DLGAP2: variants seen among roughly 807,000 people sequenced by gnomAD.
DLGAP2 encodes disks large-associated protein 2.
Under a neutral mutation model 100.3 loss-of-function variants are expected in DLGAP2, and 26 were observed. The ratio of observed to expected loss-of-function variants is 0.26; its 90% CI spans 0.19 to 0.36. The LOEUF is 0.36. Among genes scored for constraint, DLGAP2 ranks in the 10% least tolerant of loss-of-function variants. The pLI is 1.00. For synonymous variants in DLGAP2, 886 were observed against 630.1 expected (o/e 1.41, Z -6.08); for missense variants, 1,858 against 1,453.2 (o/e 1.28, Z -4.53).
intron 2 of DLGAP2, among the ~76,000 whole-genome samples, chr8:1,086,435 A>C (rs148747157): frequency 4.3e-4 from 66 of 152,270 alleles, no homozygotes; most frequent in African/African-American, 1.3e-3. Context: ...AGGTACATTC[A>C]TTCTATATCT....
intron 3 of DLGAP2, among the ~76,000 whole-genome samples, chr8:1,289,371 T>C (rs1451029020): frequency 6.6e-6 from 1 of 152,206 alleles, no homozygotes; most frequent in East Asian, 1.9e-4. Context: ...TCAGTGGAGA[T>C]ACAGGGTTGC....
intron 3 of DLGAP2, among the ~76,000 whole-genome samples, chr8:1,428,339 A>C (rs902065172): frequency 2.6e-5 from 4 of 152,210 alleles, no homozygotes; most frequent in Non-Finnish European, 5.9e-5. Context: ...AAAATTGAAC[A>C]ATTCAGTGAG....
intron 6 of DLGAP2, among the ~76,000 whole-genome samples, chr8:1,613,239 G>C (rs1179613965): frequency 2.8e-5 from 4 of 144,120 alleles, no homozygotes; most frequent in African/African-American, 5.2e-5. Context: ...CATGTCCTTT[G>C]TAGGGACATG....
intron 6 of DLGAP2, among the ~76,000 whole-genome samples, chr8:1,606,513 C>T (rs1030590869): frequency 6.6e-6 from 1 of 152,152 alleles, no homozygotes; most frequent in Non-Finnish European, 1.5e-5. Context: ...TCTAGCATAA[C>T]GTTTTCAACA....
intron 2 of DLGAP2, among the ~76,000 whole-genome samples, chr8:1,001,568 G>A (rs1455471505): frequency 6.6e-6 from 1 of 152,158 alleles, no homozygotes; most frequent in Admixed American, 6.5e-5. Context: ...GAAAGTTACG[G>A]AGAAATGATT....
At chr8:1,307,007 A>G (rs893335686) in intron 3 of DLGAP2, among the ~76,000 whole-genome samples, 2 of 152,174 alleles carry the variant, frequency 1.3e-5, no homozygotes, top group African/African-American at 4.8e-5. Context: ...TACCAAAAGT[A>G]CAAGCAACAA....
At chr8:760,744 G>A (rs1291306344) in intron 1 of DLGAP2, among the ~76,000 whole-genome samples, 10 of 152,140 alleles carry the variant, frequency 6.6e-5, no homozygotes, top group Admixed American at 3.3e-4. Context: ...GCAGGGCTTC[G>A]CGAGCGCCTC....
chr8:879,191 C>G (rs985927755), intron 1 of DLGAP2, among the ~76,000 whole-genome samples: 9 of 152,222 alleles, frequency 5.9e-5, no homozygotes, highest in African/African-American at 2.2e-4. Flanking sequence ...AGTTTATTCA[C>G]TGTGATACAA....
chr8:1,254,045 C>T lies in DLGAP2; in HGVS notation c.74-4806C>T, dbSNP rs138249769. On this transcript the variant is annotated intron_variant, in intron 2 of 14. Coordinates refer to ENST00000637795, the MANE Select transcript of DLGAP2 (RefSeq NM_001346810.2). The stretch of plus-strand genomic sequence containing the variant: ...GTCTCTGATCCATGTCTGAGTGAGC[C>T]GCCTCGTGAGGCTTCCAGTCCCTCC... Among the ~76,000 whole-genome samples, 22 of 152,308 alleles carry T rather than the reference C, an allele frequency of 1.4e-4. No individual in the cohort carries two copies. In the East Asian group the frequency reaches 2.5e-3, roughly 17 times the overall value.
intron 2 of DLGAP2, among the ~76,000 whole-genome samples, chr8:1,093,325 A>T (rs1252828652): frequency 6.6e-6 from 1 of 151,936 alleles, no homozygotes; most frequent in Non-Finnish European, 1.5e-5. Flanking sequence ...ATACTTTCAC[A>T]CCAACAGCCA....
chr8:1,121,742 C>T (rs924477907), intron 2 of DLGAP2, among the ~76,000 whole-genome samples: 2 of 85,690 alleles, frequency 2.3e-5, no homozygotes, highest in Admixed American at 1.1e-4. Context: ...CACAACCACC[C>T]GTCTTCATCT....
intron 2 of DLGAP2, among the ~76,000 whole-genome samples, chr8:1,142,334 A>G (rs900955163): frequency 1.3e-4 from 20 of 152,230 alleles, no homozygotes; most frequent in Non-Finnish European, 8.8e-5. Context: ...TGAGCATCAC[A>G]TGCCTCATAA....
intron 2 of DLGAP2, among the ~76,000 whole-genome samples, chr8:951,090 TTTAAC>T (rs1378077801): frequency 2.6e-5 from 4 of 152,212 alleles, no homozygotes; most frequent in Non-Finnish European, 5.9e-5. Flanking sequence ...ATTCTATTTT[TTTAAC>T]TTAACATTGT....
At chr8:1,079,760 T>C (rs1243725194) in intron 2 of DLGAP2, among the ~76,000 whole-genome samples, 2 of 152,178 alleles carry the variant, frequency 1.3e-5, no homozygotes, top group Non-Finnish European at 2.9e-5. Flanking sequence ...CCAAGGCCGA[T>C]GAGAAGTGTC....
intron 3 of DLGAP2, among the ~76,000 whole-genome samples, chr8:1,303,565 A>T (rs1368749489): frequency 2.0e-5 from 3 of 152,014 alleles, no homozygotes; most frequent in Non-Finnish European, 4.4e-5. Context: ...TTAATGCGTT[A>T]TTTATTTTAT....
At chr8:1,451,911 A>G (rs982765504) in intron 3 of DLGAP2, among the ~76,000 whole-genome samples, 4 of 152,230 alleles carry the variant, frequency 2.6e-5, no homozygotes, top group African/African-American at 9.6e-5. Flanking sequence ...CACACGGCCC[A>G]GGCCCCACAC....
intron 1 of DLGAP2, among the ~76,000 whole-genome samples, chr8:788,141 G>A (rs1216851337): frequency 6.6e-6 from 1 of 152,254 alleles, no homozygotes; most frequent in Non-Finnish European, 1.5e-5. Flanking sequence ...GCTGTTTGGT[G>A]ATGAAGTGTG....
At chr8:1,203,609 A>G (rs1165184753) in intron 2 of DLGAP2, among the ~76,000 whole-genome samples, 1 of 152,150 alleles carries the variant, frequency 6.6e-6, no homozygotes, top group Non-Finnish European at 1.5e-5. Context: ...TCTCGTTTGA[A>G]TGTACTTCCT....
chr8:1,538,794 C>T (rs908255690), intron 4 of DLGAP2, among the ~76,000 whole-genome samples: 2 of 152,174 alleles, frequency 1.3e-5, no homozygotes, highest in Non-Finnish European at 2.9e-5. Context: ...GAGTCACGCC[C>T]CGGGTGGACA....
Sources: allele counts gnomAD v4.1 joint callset (sites outside exome capture counted in the v4.1 genomes callset), GRCh38; gene constraint gnomAD v4.1.1; transcripts MANE v1.5; gene names NCBI Gene and HGNC (gene_info 2026-07-23, HGNC 2026-07-21).